Variants in ZNF536 observed in about 807,000 individuals in gnomAD.
ZNF536 encodes zinc finger protein 536.
Under a neutral mutation model 84.5 loss-of-function variants are expected in ZNF536, and 13 were observed. The observed-to-expected ratio is 0.15, with a 90% CI of 0.10 to 0.24. The LOEUF (loss-of-function observed/expected upper bound fraction) is 0.24. ZNF536 is among the 10% of genes least tolerant of loss of function. The probability of loss-of-function intolerance (pLI) is 1.00; values close to 1 mark genes in which losing one functional copy is unlikely to be tolerated. For synonymous variants in ZNF536, 811 were observed against 742.5 expected, an observed-to-expected ratio of 1.09 and a Z score of -1.50; for missense variants, 1,536 against 1,747.5, an observed-to-expected ratio of 0.88 and a Z score of 2.16.
intron 1 of ZNF536, among the ~76,000 whole-genome samples, chr19:30,396,759 C>T (rs1327351069): frequency 1.3e-5 from 2 of 152,130 alleles, no homozygotes; most frequent in African/African-American, 4.8e-5. Flanking sequence ...CATGCACCAC[C>T]ATGCCTGGCT....
chr19:30,295,832 A>G (rs1469758118), intron 2 of ZNF536, among the ~76,000 whole-genome samples: 1 of 152,226 alleles, frequency 6.6e-6, no homozygotes, highest in African/African-American at 2.4e-5. Context: ...TGAGGGGCAA[A>G]GCAGGCAGGA....
intron 1 of ZNF536, among the ~76,000 whole-genome samples, chr19:30,248,884 TG>T (rs965701015): frequency 6.6e-6 from 1 of 152,068 alleles, no homozygotes; most frequent in African/African-American, 2.4e-5. Context: ...AGAAGTTGGG[TG>T]ACATTTTAAG....
intron 1 of ZNF536, among the ~76,000 whole-genome samples, chr19:30,579,468 G>A (rs2046846959): frequency 6.6e-6 from 1 of 152,192 alleles, no homozygotes; most frequent in South Asian, 2.1e-4. Flanking sequence ...TCTGTTCTGT[G>A]TGGTCTCTCA....
chr19:30,709,954 T>A (rs1483923701), intron 1 of ZNF536, among the ~76,000 whole-genome samples: 3 of 152,056 alleles, frequency 2.0e-5, no homozygotes, highest in Non-Finnish European at 2.9e-5. Flanking sequence ...CTAGGAATGG[T>A]TTTTCCATTT....
At chr19:30,463,805 A>C (rs1181714683) in intron 2 of ZNF536, among the ~76,000 whole-genome samples, 2 of 151,954 alleles carry the variant, frequency 1.3e-5, no homozygotes, top group Non-Finnish European at 2.9e-5. Flanking sequence ...CAGGTGCATG[A>C]GGGAGCGTGG....
intron 1 of ZNF536, among the ~76,000 whole-genome samples, chr19:30,633,722 ATTTTTAAAT>A (rs1047003539): frequency 4.6e-5 from 7 of 152,010 alleles, no homozygotes; most frequent in African/African-American, 1.7e-4. Context: ...TTTTTATTTG[ATTTTTAAAT>A]TTTTTAAATT....
intron 1 of ZNF536, among the ~76,000 whole-genome samples, chr19:30,279,209 T>G (rs1036220623): frequency 6.6e-6 from 1 of 152,232 alleles, no homozygotes. Flanking sequence ...TATTATCTTC[T>G]TAGAGATTGT....
At chr19:30,591,292 G>C (rs977897379) in intron 1 of ZNF536, among the ~76,000 whole-genome samples, 8 of 152,144 alleles carry the variant, frequency 5.3e-5, no homozygotes, top group African/African-American at 1.9e-4. Flanking sequence ...GTATTAGTCT[G>C]TTCTCATGCT....
At chr19:30,614,142 C>T (rs1387667555) in intron 1 of ZNF536, among the ~76,000 whole-genome samples, 2 of 152,162 alleles carry the variant, frequency 1.3e-5, no homozygotes, top group African/African-American at 4.8e-5. Context: ...GGATTACAGA[C>T]GTGAGCCACT....
At chr19:30,484,987 A>G (rs1435061069) in intron 2 of ZNF536, among the ~76,000 whole-genome samples, 1 of 151,892 alleles carries the variant, frequency 6.6e-6, no homozygotes, top group Non-Finnish European at 1.5e-5. Context: ...ACTAAAAAAT[A>G]CAAAAAATTA....
chr19:30,533,392 C>T (rs1178797759), intron 2 of ZNF536, among the ~76,000 whole-genome samples: 1 of 152,082 alleles, frequency 6.6e-6, no homozygotes, highest in Non-Finnish European at 1.5e-5. Flanking sequence ...TGGTGGCCTG[C>T]ACCTGTAATC....
At chr19:30,399,370 G>C (rs149264717) in intron 1 of ZNF536, among the ~76,000 whole-genome samples, 1,533 of 152,114 alleles carry the variant, frequency 0.01, 22 homozygotes, top group African/African-American at 0.036. Context: ...TAGGTTGCCT[G>C]TTCACTCTGA....
intron 1 of ZNF536, among the ~76,000 whole-genome samples, chr19:30,249,464 T>C (rs1273179824): frequency 1.3e-5 from 2 of 152,142 alleles, no homozygotes. Context: ...TTACTGAATC[T>C]TCAGCAGTCC....
chr19:30,566,011 A>T (rs1434973827), intron 1 of ZNF536, among the ~76,000 whole-genome samples: 1 of 152,198 alleles, frequency 6.6e-6, no homozygotes, highest in Non-Finnish European at 1.5e-5. Flanking sequence ...CAACAAACAG[A>T]AAAAAACAAA....
intron 1 of ZNF536, among the ~76,000 whole-genome samples, chr19:30,393,941 G>C (rs902126997): frequency 1.3e-5 from 2 of 152,212 alleles, no homozygotes; most frequent in South Asian, 2.1e-4. Flanking sequence ...TGGTGGAGGA[G>C]ATAGAGAGAA....
chr19:30,624,063 G>A (rs2048585985), intron 1 of ZNF536, among the ~76,000 whole-genome samples: 1 of 152,110 alleles, frequency 6.6e-6, no homozygotes, highest in Non-Finnish European at 1.5e-5. Flanking sequence ...GACTCAAAGA[G>A]GTCCAGGACT....
intron 1 of ZNF536, among the ~76,000 whole-genome samples, chr19:30,697,961 A>G (rs576773426): frequency 1.3e-5 from 2 of 152,370 alleles, no homozygotes; most frequent in African/African-American, 4.8e-5. Flanking sequence ...CTTTCAAAAT[A>G]AACTTTTAAT....
At chr19:30,600,914 G>A (rs967315781) in intron 1 of ZNF536, among the ~76,000 whole-genome samples, 1 of 152,236 alleles carries the variant, frequency 6.6e-6, no homozygotes, top group African/African-American at 2.4e-5. Flanking sequence ...TCCTGGAAAA[G>A]TGAACGCTTG....
At chr19:30,606,076 C>T (rs754663293) in intron 1 of ZNF536, among the ~76,000 whole-genome samples, 2 of 151,460 alleles carry the variant, frequency 1.3e-5, no homozygotes, top group African/African-American at 2.4e-5. Flanking sequence ...ACTGCTTGAG[C>T]CTAGGAGTTC....
Sources: allele counts gnomAD v4.1 joint callset (sites outside exome capture counted in the v4.1 genomes callset), GRCh38; gene constraint gnomAD v4.1.1; transcripts MANE v1.5; gene names NCBI Gene and HGNC (gene_info 2026-07-23, HGNC 2026-07-21).